Variants in HSPG2 observed in about 807,000 individuals in gnomAD.
HSPG2 encodes the protein heparan sulfate proteoglycan 2.
In HSPG2, 278 loss-of-function variants were observed where a neutral mutation model predicts 526.6. That is an observed-to-expected ratio of 0.53 (90% CI 0.48 to 0.58). HSPG2 has a LOEUF of 0.58. HSPG2 is among the 20% of genes least tolerant of loss of function. HSPG2 has a pLI of 0.00. For synonymous variants in HSPG2, 2,465 were observed against 2,555.4 expected, an observed-to-expected ratio of 0.96 and a Z score of 1.07; for missense variants, 5,354 against 6,099.5, an observed-to-expected ratio of 0.88 and a Z score of 4.07.
intron 55 of HSPG2, among the ~76,000 whole-genome samples, chr1:21,851,047 AC>A (rs1638851850): frequency 6.7e-6 from 1 of 149,806 alleles, no homozygotes; most frequent in Admixed American, 6.7e-5. Flanking sequence ...ATCTTGGCTC[AC>A]TGCAGCCTCC....
intron 42 of HSPG2, among the ~76,000 whole-genome samples, chr1:21,857,796 GAC>G (rs1639459319): frequency 1.3e-5 from 2 of 152,114 alleles, no homozygotes; most frequent in African/African-American, 4.8e-5. Context: ...TAGTGGCGCT[GAC>G]ACACACTTAT....
chr1:21,917,941 G>GT (rs927307594), intron 1 of HSPG2, among the ~76,000 whole-genome samples: 107 of 147,544 alleles, frequency 7.3e-4, no homozygotes, highest in African/African-American at 1.9e-3. Context: ...CAGACACCAA[G>GT]TTTTTTTTTT....
At chr1:21,875,836 C>T in intron 24 of HSPG2, 27 bp downstream of exon 24, 2 of 1,612,562 alleles carry the variant, frequency 1.2e-6, no homozygotes, top group Non-Finnish European at 1.7e-6. Flanking sequence ...GCCCGCACCC[C>T]TACCCCCAGG....
intron 1 of HSPG2, among the ~76,000 whole-genome samples, chr1:21,932,865 G>A (rs968085389): frequency 6.6e-6 from 1 of 152,132 alleles, no homozygotes; most frequent in African/African-American, 2.4e-5. Context: ...AAGAGTTTGG[G>A]ACCAGCCTGG....
chr1:21,896,306 G>C lies in HSPG2; in HGVS notation c.68C>G (p.Thr23Ser). The C allele has an allele frequency of 6.2e-7, 1 of 1,613,184 alleles. No individual in the cohort carries two copies. Among genetic ancestry groups the C allele is most frequent in the South Asian group, 1.1e-5 (1 of 91,072 alleles). Residue 23 changes from threonine to serine, a missense_variant, in exon 2 of 97, where the codon ACC (threonine) becomes AGC (serine). Transcript: ENST00000374695. ...LLLHGRLLAV[T>S]HGLRAYDGLS... The stretch of plus-strand genomic sequence containing the variant: ...GCCATCGTATGCCCTCAGCCCATGG[G>C]TCACCTGTAAGCAAACGAGAGCTGA...
In HSPG2 at chr1:21,855,686, G is replaced by C. The variant is rs777119464; in HGVS notation, c.5702-11C>G. ...GGCCGCCGGGGCCCCCTGACGAGTAGACGTGGGGTCAGCACCCACCAAGCC... is the reference window on the plus strand; with the variant it reads ...GGCCGCCGGGGCCCCCTGACGAGTACACGTGGGGTCAGCACCCACCAAGCC... On this transcript the variant is annotated splice_polypyrimidine_tract_variant and intron_variant, in intron 45 of 96. Coordinates refer to ENST00000374695, the MANE Select transcript of HSPG2 (RefSeq NM_005529.7). 1 of 1,581,656 alleles carries C rather than the reference G, an allele frequency of 6.3e-7. No individual in the cohort carries two copies. The highest frequency in any genetic ancestry group is 8.6e-7 in the Non-Finnish European group (1 of 1,166,248).
At chr1:21,830,163 T>A in intron 85 of HSPG2, 72 bp from the exon 86 acceptor site, 1 of 1,252,936 alleles carries the variant, frequency 8.0e-7, no homozygotes, top group Non-Finnish European at 1.1e-6. Flanking sequence ...ATGCCAGAGG[T>A]CTGCCCATCA....
At chr1:21,880,026 G>A (rs996833675) in intron 17 of HSPG2, 81 bp downstream of exon 17, 11 of 1,507,310 alleles carry the variant, frequency 7.3e-6, no homozygotes, top group Non-Finnish European at 9.2e-6. Flanking sequence ...GGAGGCTTGT[G>A]CTGAGCTCAT....
Position 21,859,989 on chromosome 1 carries a change from T to C in HSPG2, c.5028A>G (p.Pro1676=), listed in dbSNP as rs1308494319. Reference sequence around the variant, plus strand: ...GAGCAGGATGGACCTCGACCACCAGTGGGGCTTGGTTTGCTGGGGGTGGGG... The same window carrying C: ...GAGCAGGATGGACCTCGACCACCAGCGGGGCTTGGTTTGCTGGGGGTGGGG... The part of the protein sequence containing the change: ...GQCLPETNQA[P]LVVEVHPARS... The change falls in exon 41 of 97, where the codon CCA becomes CCG. Residue 1676 remains proline (P), a synonymous_variant. Coordinates refer to ENST00000374695, the MANE Select transcript of HSPG2 (RefSeq NM_005529.7). This position sits in a 1 kb window ranked among gnomAD's most constrained non-coding sequence, Gnocchi z 5.3. The C allele has an allele frequency of 6.2e-7, 1 of 1,610,526 alleles. No individual in the cohort carries two copies.
intron 43 of HSPG2, 32 bp from the exon 44 acceptor site, chr1:21,857,227 G>C: frequency 6.2e-7 from 1 of 1,613,680 alleles, no homozygotes; most frequent in Non-Finnish European, 8.5e-7. Context: ...GGTCATGGGT[G>C]GGGCTCAGAG....
rs779169273 is a variant in HSPG2, at chr1:21,829,575, C to A, written c.11800G>T (p.Gly3934Cys). 1 of 1,608,732 alleles carries A rather than the reference C, an allele frequency of 6.2e-7. No individual in the cohort carries two copies. The change falls in exon 87 of 97, where the codon GGT becomes TGT. Residue 3934 changes from glycine to cysteine, a missense_variant. By Grantham distance (159) the Gly-to-Cys change is radical (BLOSUM62 -3). Transcript: ENST00000374695. Reference protein sequence around the residue: ...GVTVTTPSLSGAGSYLALPAL... With the variant: ...GVTVTTPSLSCAGSYLALPAL... ...GGCAGTGCCAGGTAGGAGCCAGCAC[C>A]CGACAGCGAGGGGGTGGTCACTGTC...
intron 55 of HSPG2, 108 bp downstream of exon 55, chr1:21,851,438 G>C: frequency 6.6e-7 from 1 of 1,523,272 alleles, no homozygotes; most frequent in East Asian, 2.3e-5. Flanking sequence ...TGTGCAATGG[G>C]GTCCAGGGCT....
chr1:21,870,364 G>T, intron 33 of HSPG2: 1 of 913,788 alleles, frequency 1.1e-6, no homozygotes, highest in Non-Finnish European at 1.3e-6. Flanking sequence ...AAGTCCTGGA[G>T]CTAGAGCCAT....
rs2097960073 is a variant in HSPG2 at position 21,823,941 on chromosome 1, C to A, written c.12899+180G>T. 9.1e-6 allele frequency: 7 copies of A among 765,984 alleles called. No individual in the cohort carries two copies. In the Admixed American group the frequency reaches 1.0e-4, roughly 11 times the overall value. The allele number at this position is 765,984 out of a possible 1,614,324, so 47.4% of individuals were successfully genotyped here. On this transcript the variant is annotated intron_variant, in intron 95 of 96. Coordinates refer to ENST00000374695, the MANE Select transcript of HSPG2 (RefSeq NM_005529.7). ...TCCCACTCCTGGGGCACTCGCCTGC[C>A]CCCAGCGGAGTTCAGTCCGAGATGG...
intron 44 of HSPG2, 120 bp from the exon 45 acceptor site, chr1:21,856,032 C>A (rs918981863): frequency 1.3e-5 from 18 of 1,383,612 alleles, no homozygotes; most frequent in Non-Finnish European, 1.8e-5. Context: ...TCTGTGCACA[C>A]AGGAGCCAGA....
At chr1:21,832,362 TG>T in intron 81 of HSPG2, 132 bp downstream of exon 81, 1 of 723,436 alleles carries the variant, frequency 1.4e-6, no homozygotes, top group Non-Finnish European at 2.5e-6. Flanking sequence ...GCAGATTGGG[TG>T]GTCACCAAGG....
In HSPG2 at chr1:21,847,303, C is replaced by T; in HGVS notation, c.8164+51G>A. On this transcript the variant is annotated intron_variant, in intron 62 of 96. Transcript: ENST00000374695. This position sits in a 1 kb window ranked among gnomAD's most constrained non-coding sequence, Gnocchi z 4.1. Reference sequence around the variant, plus strand: ...ACTCTGACCTGAAAGTTCCTTCTCCCCAGGGAACACTGTTGCCTGCATCCC... The same window carrying T: ...ACTCTGACCTGAAAGTTCCTTCTCCTCAGGGAACACTGTTGCCTGCATCCC... 1 of 1,608,296 alleles carries T rather than the reference C, an allele frequency of 6.2e-7. No homozygotes were observed. The highest frequency in any genetic ancestry group is 1.7e-5 in the Admixed American group (1 of 60,014).
chr1:21,875,514 G>T, intron 25 of HSPG2, 115 bp downstream of exon 25: 1 of 819,786 alleles, frequency 1.2e-6, no homozygotes, highest in Non-Finnish European at 2.1e-6. Context: ...TTACAGACAG[G>T]GAAAGTGAGG....
At chr1:21,873,284 C>A in intron 30 of HSPG2, 91 bp downstream of exon 30, 1 of 1,476,686 alleles carries the variant, frequency 6.8e-7, no homozygotes, top group South Asian at 1.1e-5. Context: ...CTCGGACAGG[C>A]AAAGCCAAAG....
Sources: allele counts gnomAD v4.1 joint callset (sites outside exome capture counted in the v4.1 genomes callset), GRCh38; gene constraint gnomAD v4.1.1; non-coding constraint Gnocchi (gnomAD v3.1); transcripts MANE v1.5; gene names NCBI Gene and HGNC (gene_info 2026-07-23, HGNC 2026-07-21).